Variants in ADAM9 observed in about 807,000 individuals in gnomAD.
ADAM9 encodes the protein ADAM metallopeptidase domain 9.
A neutral mutation model predicts 108.1 loss-of-function variants in ADAM9; 54 were observed. That is an observed-to-expected ratio of 0.50 (90% CI 0.40 to 0.63). ADAM9 has a LOEUF of 0.63. ADAM9 is among the 20% of genes least tolerant of loss of function. The probability of loss-of-function intolerance (pLI) is 0.00; values close to 1 mark genes in which losing one functional copy is unlikely to be tolerated. For synonymous variants in ADAM9, 316 were observed against 336.0 expected (o/e 0.94, Z 0.65); for missense variants, 830 against 997.7 (o/e 0.83, Z 2.26).
intron 17 of ADAM9, 40 bp from the exon 18 acceptor site, chr8:39,082,928 A>G (rs768019042): frequency 1.1e-5 from 17 of 1,549,812 alleles, no homozygotes; most frequent in Non-Finnish European, 1.2e-5. Flanking sequence ...ATAGAGCAAC[A>G]TTCACAATTA....
At chr8:39,001,427 G>GC (rs1835988451) in intron 1 of ADAM9, among the ~76,000 whole-genome samples, 1 of 152,178 alleles carries the variant, frequency 6.6e-6, no homozygotes, top group Non-Finnish European at 1.5e-5. Context: ...GGAAGTACAT[G>GC]ATGAATAAGA....
At position 39,017,343 on chromosome 8, in the gene ADAM9, A is replaced by G. The variant is rs1461213794; in HGVS notation, c.535A>G (p.Asn179Asp). The G allele has an allele frequency of 1.1e-5, 18 of 1,614,160 alleles. No homozygotes were observed. Among genetic ancestry groups the G allele is most frequent in the Non-Finnish European group, 1.4e-5 (16 of 1,180,016 alleles). The change falls in exon 6 of 22, where the codon AAC (asparagine) becomes GAC (aspartate). Residue 179 changes from asparagine (N) to aspartate (D), a missense_variant. Coordinates refer to ENST00000487273, the MANE Select transcript of ADAM9 (RefSeq NM_003816.3). ...AGAGCCTCTGAAATGTGGAGTTTCC[A>G]ACAAGGATATAGAGAAAGAAACTGC... ...YKEPLKCGVSNKDIEKETAKD... is the reference protein window; with the variant it reads ...YKEPLKCGVSDKDIEKETAKD...
chr8:39,066,905 A>T (rs1206911184), intron 14 of ADAM9, among the ~76,000 whole-genome samples: 1 of 152,216 alleles, frequency 6.6e-6, no homozygotes, highest in Non-Finnish European at 1.5e-5. Flanking sequence ...TCAGTCTTTA[A>T]TCCATCTTGA....
intron 5 of ADAM9, among the ~76,000 whole-genome samples, chr8:39,016,750 C>G (rs1377265933): frequency 6.6e-6 from 1 of 152,194 alleles, no homozygotes; most frequent in African/African-American, 2.4e-5. Flanking sequence ...CACTTAGGCA[C>G]TAACACTTAT....
At chr8:39,099,875 G>GTTTTTTTTTTTT (rs111740274) in intron 20 of ADAM9, among the ~76,000 whole-genome samples, 1 of 89,546 alleles carries the variant, frequency 1.1e-5, no homozygotes, top group Non-Finnish European at 2.2e-5. Context: ...TATCGTGTTT[G>GTTTTTTTTTTTT]TTTTTTTTTT....
chr8:39,019,097 T>G (rs1250182104), intron 7 of ADAM9, among the ~76,000 whole-genome samples, 179 bp downstream of exon 7: 1 of 152,238 alleles, frequency 6.6e-6, no homozygotes, highest in Non-Finnish European at 1.5e-5. Context: ...AGAAGCTAAA[T>G]GTAGCAAATG....
chr8:39,035,632 T>C (rs941349806), intron 11 of ADAM9, among the ~76,000 whole-genome samples: 1 of 151,964 alleles, frequency 6.6e-6, no homozygotes, highest in Non-Finnish European at 1.5e-5. Flanking sequence ...TCCTGGCTAA[T>C]ACGTGAAACC....
chr8:39,037,653 GTGATCCT>G lies in ADAM9; in HGVS notation c.1131-4292_1131-4286del, dbSNP rs770843105. The stretch of plus-strand genomic sequence containing the variant: ...GGTGGCCTTGAATTCCTGGGCTCAA[GTGATCCT>G]CTTGCCTTAGCTTCCCAAAGCATTG... On this transcript the variant is annotated intron_variant, in intron 11 of 21. Coordinates refer to ENST00000487273, the MANE Select transcript of ADAM9 (RefSeq NM_003816.3). 2.6e-4 allele frequency among the ~76,000 whole-genome samples: 40 copies of G among 151,926 alleles called. No homozygotes were observed. In the East Asian group the frequency reaches 7.4e-3, roughly 28 times the overall value.
intron 14 of ADAM9, among the ~76,000 whole-genome samples, chr8:39,055,974 T>C (rs1838109497): frequency 6.6e-6 from 1 of 152,174 alleles, no homozygotes; most frequent in African/African-American, 2.4e-5. Context: ...TTACTGTCTA[T>C]ATCTTTTTAT....
intron 12 of ADAM9, among the ~76,000 whole-genome samples, chr8:39,053,094 T>C (rs1026288424): frequency 1.3e-5 from 2 of 152,190 alleles, no homozygotes; most frequent in Admixed American, 1.3e-4. Flanking sequence ...AATGATGCAT[T>C]GAGCATGTTT....
chr8:39,009,903 G>GAGCA (rs1836290546), intron 2 of ADAM9, among the ~76,000 whole-genome samples: 1 of 92,364 alleles, frequency 1.1e-5, no homozygotes, highest in Non-Finnish European at 2.2e-5. Context: ...GATGGGGGGG[G>GAGCA]GGGGCAGGGA....
At chr8:39,009,469 C>T (rs1836274383) in intron 2 of ADAM9, among the ~76,000 whole-genome samples, 1 of 152,178 alleles carries the variant, frequency 6.6e-6, no homozygotes, top group South Asian at 2.1e-4. Flanking sequence ...GAACTCTTGG[C>T]TTCAAGTGAT....
In ADAM9 at chr8:39,022,837, C is replaced by G. The variant is rs1175094897; in HGVS notation, c.745-319C>G. Among the ~76,000 whole-genome samples the G allele has an allele frequency of 2.0e-5, 3 of 152,072 alleles. No homozygotes were observed. In the East Asian group the frequency reaches 5.8e-4, roughly 29 times the overall value. On this transcript the variant is annotated intron_variant, in intron 8 of 21. Coordinates refer to ENST00000487273, the MANE Select transcript of ADAM9 (RefSeq NM_003816.3). ...CAAGCGATTCTCCTGCCTCAGCCTC[C>G]CAAGTAGCTGGGTTTACAGGTGTGC...
intron 1 of ADAM9, among the ~76,000 whole-genome samples, chr8:39,000,415 T>A (rs1162666335): frequency 6.6e-6 from 1 of 152,152 alleles, no homozygotes; most frequent in Non-Finnish European, 1.5e-5. Context: ...TTTAATCAGA[T>A]TATTTTCCCT....
chr8:39,074,558 A>C (rs1838794898), intron 15 of ADAM9, among the ~76,000 whole-genome samples: 1 of 152,024 alleles, frequency 6.6e-6, no homozygotes, highest in African/African-American at 2.4e-5. Flanking sequence ...CATTCACATG[A>C]TCACATCACA....
intron 11 of ADAM9, among the ~76,000 whole-genome samples, chr8:39,040,080 C>T (rs1837411163): frequency 6.6e-6 from 1 of 152,120 alleles, no homozygotes; most frequent in Admixed American, 6.5e-5. Context: ...GACAGAGTCT[C>T]TCTCTGTTGC....
chr8:39,088,177 T>C (rs941780811), intron 18 of ADAM9, among the ~76,000 whole-genome samples: 3 of 152,058 alleles, frequency 2.0e-5, no homozygotes, highest in African/African-American at 7.2e-5. Flanking sequence ...TGCATATAAG[T>C]GGACCTGCAC....
intron 8 of ADAM9, among the ~76,000 whole-genome samples, 183 bp from the exon 9 acceptor site, chr8:39,022,973 A>T (rs893140424): frequency 5.3e-5 from 8 of 152,160 alleles, no homozygotes; most frequent in Admixed American, 5.2e-4. Context: ...TCGGCCTCCC[A>T]AAGTGTTAAG....
chr8:39,040,730 G>A (rs1027593968), intron 11 of ADAM9, among the ~76,000 whole-genome samples: 1 of 152,154 alleles, frequency 6.6e-6, no homozygotes, highest in African/African-American at 2.4e-5. Flanking sequence ...AAACAGCATG[G>A]TAGTGGTATA....
Sources: allele counts gnomAD v4.1 joint callset (sites outside exome capture counted in the v4.1 genomes callset), GRCh38; gene constraint gnomAD v4.1.1; transcripts MANE v1.5; gene names NCBI Gene and HGNC (gene_info 2026-07-23, HGNC 2026-07-21).